Variants in ADGRL3 observed in about 807,000 individuals in gnomAD.
The protein encoded by ADGRL3 is adhesion G protein-coupled receptor L3.
A neutral mutation model predicts 153.5 loss-of-function variants in ADGRL3; 62 were observed. The ratio of observed to expected loss-of-function variants is 0.40; its 90% CI spans 0.33 to 0.50. The LOEUF is 0.50. Ranked by LOEUF, ADGRL3 falls within the 20% of genes least tolerant of loss-of-function variation. ADGRL3 has a pLI of 0.47. For synonymous variants in ADGRL3, 710 were observed against 672.5 expected (o/e 1.06, Z -0.86); for missense variants, 1,641 against 1,859.4 (o/e 0.88, Z 2.16).
At chr4:61,232,050 C>T (rs536839656) in intron 1 of ADGRL3, among the ~76,000 whole-genome samples, 1 of 151,754 alleles carries the variant, frequency 6.6e-6, no homozygotes, top group Non-Finnish European at 1.5e-5. Context: ...CTCCTCAAGC[C>T]CCAGTCTCCT....
At chr4:61,509,979 A>G (rs567711928) in intron 3 of ADGRL3, among the ~76,000 whole-genome samples, 1 of 152,240 alleles carries the variant, frequency 6.6e-6, no homozygotes, top group South Asian at 2.1e-4. Flanking sequence ...GTGAGATGGT[A>G]TCTCATTGAG....
At chr4:61,307,638 A>G (rs2150453238) in intron 1 of ADGRL3, among the ~76,000 whole-genome samples, 1 of 152,346 alleles carries the variant, frequency 6.6e-6, no homozygotes, top group South Asian at 2.1e-4. Context: ...GAAGTATGAA[A>G]GTATGCAAAC....
chr4:61,384,446 C>G (rs1299307359), intron 2 of ADGRL3, among the ~76,000 whole-genome samples: 3 of 150,624 alleles, frequency 2.0e-5, no homozygotes, highest in Non-Finnish European at 4.4e-5. Context: ...AAATATACTA[C>G]TATATTACTA....
chr4:61,910,178 A>G (rs904675826), intron 12 of ADGRL3, among the ~76,000 whole-genome samples: 1 of 151,878 alleles, frequency 6.6e-6, no homozygotes, highest in Non-Finnish European at 1.5e-5. Flanking sequence ...GGAAGAATGG[A>G]TGGATCTCTA....
At chr4:61,540,681 A>C (rs557390403) in intron 4 of ADGRL3, among the ~76,000 whole-genome samples, 1 of 152,338 alleles carries the variant, frequency 6.6e-6, no homozygotes, top group Non-Finnish European at 1.5e-5. Flanking sequence ...ATGTAGCGAT[A>C]CTTTTAGGGA....
chr4:61,746,885 C>CA (rs944967931), intron 8 of ADGRL3, among the ~76,000 whole-genome samples: 9 of 151,808 alleles, frequency 5.9e-5, no homozygotes, highest in Admixed American at 4.6e-4. Context: ...AATAGAGACA[C>CA]AAAAAACCCT....
At chr4:62,041,987 G>C (rs1315813628) in intron 24 of ADGRL3, among the ~76,000 whole-genome samples, 1 of 151,982 alleles carries the variant, frequency 6.6e-6, no homozygotes, top group Non-Finnish European at 1.5e-5. Flanking sequence ...GGTTTTTCTA[G>C]TGTATAGTAT....
chr4:61,339,955 A>T (rs376623766), intron 1 of ADGRL3, among the ~76,000 whole-genome samples: 2 of 152,178 alleles, frequency 1.3e-5, no homozygotes, highest in Non-Finnish European at 2.9e-5. Flanking sequence ...AGGTTGGTCA[A>T]ATAACTGAAA....
At chr4:61,838,152 G>T (rs925713038) in intron 9 of ADGRL3, among the ~76,000 whole-genome samples, 1 of 152,106 alleles carries the variant, frequency 6.6e-6, no homozygotes, top group African/African-American at 2.4e-5. Flanking sequence ...ATACCTCATG[G>T]TGCTATTTAG....
chr4:61,644,771 G>A (rs1245870611), intron 5 of ADGRL3, among the ~76,000 whole-genome samples: 1 of 152,144 alleles, frequency 6.6e-6, no homozygotes, highest in Non-Finnish European at 1.5e-5. Flanking sequence ...GTTGATTTGG[G>A]GTGGAGAGTT....
intron 6 of ADGRL3, 91 bp from the exon 7 acceptor site, chr4:61,730,531 G>A: frequency 3.0e-6 from 1 of 336,618 alleles, no homozygotes; most frequent in South Asian, 1.1e-4. Context: ...CTTTCAGTTT[G>A]GAAGAGGTGA....
intron 4 of ADGRL3, among the ~76,000 whole-genome samples, chr4:61,535,209 TG>T (rs1579388890): frequency 6.6e-6 from 1 of 152,126 alleles, no homozygotes; most frequent in East Asian, 1.9e-4. Context: ...ACATGGCATT[TG>T]TTTTTAATTT....
chr4:61,968,066 A>C (rs2150591945), intron 17 of ADGRL3, among the ~76,000 whole-genome samples: 1 of 152,344 alleles, frequency 6.6e-6, no homozygotes, highest in South Asian at 2.1e-4. Context: ...CAGAGCCCTC[A>C]TAACCTAATC....
At chr4:62,056,499 G>T (rs1737075719) in intron 25 of ADGRL3, among the ~76,000 whole-genome samples, 1 of 151,962 alleles carries the variant, frequency 6.6e-6, no homozygotes, top group African/African-American at 2.4e-5. Flanking sequence ...TTTACATGCA[G>T]TGTTAAGGAT....
At chr4:61,317,204 A>T (rs2095242288) in intron 1 of ADGRL3, among the ~76,000 whole-genome samples, 1 of 152,190 alleles carries the variant, frequency 6.6e-6, no homozygotes, top group African/African-American at 2.4e-5. Flanking sequence ...GGCCTGGATT[A>T]CCTGTTCTTC....
At chr4:61,685,896 T>A (rs1325118501) in intron 6 of ADGRL3, among the ~76,000 whole-genome samples, 1 of 152,018 alleles carries the variant, frequency 6.6e-6, no homozygotes, top group Non-Finnish European at 1.5e-5. Context: ...AAACCAAATA[T>A]CAGATGGTAT....
Position 61,867,932 on chromosome 4 carries a change from G to T in ADGRL3, c.1481-24724G>T, listed in dbSNP as rs143164806. Among the ~76,000 whole-genome samples, 520 of 152,146 alleles carry T rather than the reference G, an allele frequency of 3.4e-3. 3 individuals are homozygous for T. The highest frequency in any genetic ancestry group is 0.011 in the African/African-American group (444 of 41,504). On this transcript the variant is annotated intron_variant, in intron 9 of 26. Transcript: ENST00000683033. ...CCCCTAAGTGGGTGTATAAAGAGAA[G>T]GGCTTATAATGGGGTTTTCTTTCAT...
intron 5 of ADGRL3, among the ~76,000 whole-genome samples, chr4:61,653,977 A>T (rs1285383643): frequency 1.3e-5 from 2 of 152,218 alleles, no homozygotes; most frequent in Non-Finnish European, 2.9e-5. Context: ...TGTTGTTCTC[A>T]AGAAACTTCA....
rs192675633 is a variant in ADGRL3 at position 61,524,100 on chromosome 4, A to G, written c.259+6582A>G. On this transcript the variant is annotated intron_variant, in intron 4 of 26. Coordinates refer to ENST00000683033, the MANE Select transcript of ADGRL3 (RefSeq NM_001387552.1). ...GACAGATACTTCTCAGAATAAGTCA[A>G]TTACTAGGAAATATCTTCCTTTTTC... Among the ~76,000 whole-genome samples, 12 of 152,248 alleles carry G rather than the reference A, an allele frequency of 7.9e-5. No homozygotes were observed. In the East Asian group the frequency reaches 2.1e-3, roughly 27 times the overall value.
Sources: gnomAD v4.1 joint callset for allele counts (sites outside exome capture counted in the v4.1 genomes callset) on GRCh38, gnomAD v4.1.1 for gene constraint, MANE v1.5 for transcripts, NCBI Gene and HGNC (gene_info 2026-07-23, HGNC 2026-07-21) for gene names.